Variants in KCNH5 observed in about 807,000 individuals in gnomAD.
KCNH5 encodes the protein potassium voltage-gated channel subfamily H member 5.
Under a neutral mutation model 96.1 loss-of-function variants are expected in KCNH5, and 46 were observed. The observed-to-expected ratio is 0.48, with a 90% confidence interval of 0.38 to 0.61. The LOEUF is 0.61. KCNH5 is among the 20% of genes least tolerant of loss of function. KCNH5 has a pLI of 0.00. For synonymous variants in KCNH5, 439 were observed against 449.8 expected (o/e 0.98, Z 0.30); for missense variants, 907 against 1,225.8 (o/e 0.74, Z 3.88).
At chr14:62,727,775 TAAAA>T (rs79827478) in intron 10 of KCNH5, among the ~76,000 whole-genome samples, 1 of 116,048 alleles carries the variant, frequency 8.6e-6, no homozygotes, top group Non-Finnish European at 1.8e-5. Context: ...TACAGTCTGG[TAAAA>T]AAAAAAAAAA....
chr14:62,786,818 T>C (rs930630183), intron 9 of KCNH5, among the ~76,000 whole-genome samples: 4 of 152,304 alleles, frequency 2.6e-5, no homozygotes, highest in African/African-American at 7.2e-5. Flanking sequence ...ATGTTATTGT[T>C]GTAATTGTTT....
At chr14:62,908,540 A>G (rs1716724873) in intron 7 of KCNH5, among the ~76,000 whole-genome samples, 1 of 152,156 alleles carries the variant, frequency 6.6e-6, no homozygotes, top group Admixed American at 6.5e-5. Flanking sequence ...CAGGGAAACT[A>G]TTAGGAATCC....
intron 6 of KCNH5, among the ~76,000 whole-genome samples, chr14:62,964,730 G>A (rs955865639): frequency 3.3e-5 from 5 of 152,036 alleles, no homozygotes; most frequent in African/African-American, 1.2e-4. Flanking sequence ...AGACTTGTGG[G>A]CTATTCCTTT....
At chr14:62,800,087 TAAAC>T (rs1040081133) in intron 9 of KCNH5, among the ~76,000 whole-genome samples, 8 of 151,656 alleles carry the variant, frequency 5.3e-5, no homozygotes, top group Non-Finnish European at 1.0e-4. Flanking sequence ...TTTTGTATGT[TAAAC>T]AAACAAACAA....
intron 10 of KCNH5, among the ~76,000 whole-genome samples, chr14:62,737,791 A>T (rs1392350855): frequency 3.9e-5 from 6 of 152,168 alleles, no homozygotes; most frequent in Admixed American, 1.3e-4. Context: ...GAAGCTATGA[A>T]ATGCAACATT....
chr14:63,031,110 GAA>G (rs1891617458), intron 1 of KCNH5, among the ~76,000 whole-genome samples: 1 of 151,670 alleles, frequency 6.6e-6, no homozygotes, highest in Non-Finnish European at 1.5e-5. Flanking sequence ...TCCAATATAG[GAA>G]AAGAGTATCT....
At chr14:62,869,607 C>A (rs1044498286) in intron 7 of KCNH5, among the ~76,000 whole-genome samples, 2 of 152,120 alleles carry the variant, frequency 1.3e-5, no homozygotes, top group African/African-American at 2.4e-5. Flanking sequence ...TTTATCCATG[C>A]CTATGTCCTG....
At chr14:62,873,745 C>A (rs77338084) in intron 7 of KCNH5, among the ~76,000 whole-genome samples, 1 of 152,196 alleles carries the variant, frequency 6.6e-6, no homozygotes, top group East Asian at 1.9e-4. Context: ...ATGAAAGGAA[C>A]AAAGTGGTCT....
intron 10 of KCNH5, among the ~76,000 whole-genome samples, chr14:62,737,700 C>T (rs928562672): frequency 3.9e-5 from 6 of 152,076 alleles, no homozygotes; most frequent in Admixed American, 2.0e-4. Context: ...ATTGAGAAGT[C>T]AGGCTTCCTG....
chr14:62,793,174 G>A (rs991194349), intron 9 of KCNH5, among the ~76,000 whole-genome samples: 1 of 151,522 alleles, frequency 6.6e-6, no homozygotes, highest in Non-Finnish European at 1.5e-5. Context: ...TTGTTCAATG[G>A]GTATACAGTT....
At chr14:62,787,249 GA>G in intron 9 of KCNH5, among the ~76,000 whole-genome samples, 1 of 152,156 alleles carries the variant, frequency 6.6e-6, no homozygotes, top group Non-Finnish European at 1.5e-5. Context: ...CTGATAAGGA[GA>G]AAGTTTTAGT....
chr14:62,976,660 T>C (rs1890506225), intron 6 of KCNH5, among the ~76,000 whole-genome samples: 1 of 152,142 alleles, frequency 6.6e-6, no homozygotes. Flanking sequence ...AGAGAAGGTG[T>C]ATGAAACTTC....
chr14:62,856,117 T>C (rs111926678), intron 7 of KCNH5, among the ~76,000 whole-genome samples: 3,014 of 152,278 alleles, frequency 0.02, 52 homozygotes, highest in East Asian at 0.062. Flanking sequence ...GTTAAACAAT[T>C]TGTAGAGTCA....
intron 8 of KCNH5, among the ~76,000 whole-genome samples, chr14:62,843,868 T>C (rs1887638904): frequency 6.6e-6 from 1 of 152,054 alleles, no homozygotes; most frequent in Non-Finnish European, 1.5e-5. Context: ...GAAAATATAA[T>C]CCATTTTTCA....
chr14:63,006,377 T>C lies in KCNH5; in HGVS notation c.293A>G (p.Tyr98Cys). 1 of 1,605,316 alleles carries C rather than the reference T, an allele frequency of 6.2e-7. No individual in the cohort carries two copies. The highest frequency in any genetic ancestry group is 8.5e-7 in the Non-Finnish European group (1 of 1,172,640). ...ATTGAGATACCTACTGTTTTTCTTG[T>C]ACAGAAGAACTTCAAAGCAGTTTGA... ...YESNCFEVLL[Y>C]KKNRTPVWFY... is the part of the protein sequence containing the mutation. The change falls in exon 3 of 11, where the codon TAC becomes TGC. Residue 98 changes from tyrosine (Y) to cysteine (C), a missense_variant. By Grantham distance (194) the Tyr-to-Cys change is radical. This residue lies in a region of KCNH5 where 370 missense variants were observed against 561.3 expected (regional missense o/e 0.66). Coordinates refer to ENST00000322893, the MANE Select transcript of KCNH5 (RefSeq NM_139318.5).
Position 62,870,738 on chromosome 14 carries a change from A to G in KCNH5, c.1370-20886T>C, listed in dbSNP as rs189051468. On this transcript the variant is annotated intron_variant, in intron 7 of 10. Coordinates refer to ENST00000322893, the MANE Select transcript of KCNH5 (RefSeq NM_139318.5). ...TATGCTCACAATTTAATAATAATAC[A>G]TGTACAGTCATTATTATATATAACT... Among the ~76,000 whole-genome samples, 175 of 152,284 alleles carry G rather than the reference A, an allele frequency of 1.1e-3. 1 individual carries two copies. Among genetic ancestry groups the G allele is most frequent in the Non-Finnish European group, 1.9e-3 (129 of 68,002 alleles).
At chr14:62,787,557 G>A (rs1448769657) in intron 9 of KCNH5, among the ~76,000 whole-genome samples, 19 of 152,202 alleles carry the variant, frequency 1.2e-4, no homozygotes, top group Non-Finnish European at 2.8e-4. Flanking sequence ...TTTTAATGCA[G>A]ATGAAACAGC....
At chr14:62,968,752 C>T (rs1459771871) in intron 6 of KCNH5, among the ~76,000 whole-genome samples, 1 of 152,132 alleles carries the variant, frequency 6.6e-6, no homozygotes, top group Non-Finnish European at 1.5e-5. Context: ...AGATGTCAGG[C>T]ATCTTGGTAG....
rs112685919 is a variant in KCNH5 at position 62,992,554 on chromosome 14, T to A, written c.434-5367A>T. Reference sequence around the variant, plus strand: ...GATGGTATCTCATTGTAGTTTTAATTTGCATTTCTCTGATGATTAGTGATG... The same window carrying A: ...GATGGTATCTCATTGTAGTTTTAATATGCATTTCTCTGATGATTAGTGATG... On this transcript the variant is annotated intron_variant, in intron 4 of 10. Coordinates refer to ENST00000322893, the MANE Select transcript of KCNH5 (RefSeq NM_139318.5). 4.3e-3 allele frequency among the ~76,000 whole-genome samples: 652 copies of A among 152,210 alleles called. 5 individuals are homozygous for A. Among genetic ancestry groups the A allele is most frequent in the African/African-American group, 0.015 (622 of 41,568 alleles).
Sources: allele counts gnomAD v4.1 joint callset (sites outside exome capture counted in the v4.1 genomes callset), GRCh38; gene constraint gnomAD v4.1.1; regional missense constraint gnomAD v4.1.1; transcripts MANE v1.5; gene names NCBI Gene and HGNC (gene_info 2026-07-23, HGNC 2026-07-21).